The following LNPK variants were observed in gnomAD, a reference collection of about 807,000 sequenced individuals.
The protein encoded by LNPK is endoplasmic reticulum junction formation protein lunapark.
In LNPK, 29 loss-of-function variants were observed where a neutral mutation model predicts 55.2. That is an observed-to-expected ratio of 0.53 (90% CI 0.39 to 0.72). The LOEUF (loss-of-function observed/expected upper bound fraction) is 0.72. LNPK is among the 30% of genes least tolerant of loss of function. The pLI is 0.00. For synonymous variants in LNPK, 162 were observed against 168.2 expected, an observed-to-expected ratio of 0.96 and a Z score of 0.29; for missense variants, 467 against 494.8, an observed-to-expected ratio of 0.94 and a Z score of 0.53.
chr2:175,929,933 T>G lies in LNPK; in HGVS notation c.*34A>C. On this transcript the variant is annotated 3_prime_UTR_variant, in exon 13 of 13. Coordinates refer to ENST00000272748, the MANE Select transcript of LNPK (RefSeq NM_030650.3). ...GCAATAACTGACATCAGTAAGACTA[T>G]AAATATCCAGTTGAAGGCACGTGGA... is the stretch of plus-strand genomic sequence containing the variant. The G allele has an allele frequency of 6.2e-7, 1 of 1,612,276 alleles. No homozygotes were observed. The highest frequency in any genetic ancestry group is 1.1e-5 in the South Asian group (1 of 90,868).
chr2:175,962,324 C>A (rs866423817), intron 8 of LNPK, among the ~76,000 whole-genome samples: 1 of 152,120 alleles, frequency 6.6e-6, no homozygotes, highest in Non-Finnish European at 1.5e-5. Flanking sequence ...CTACAGTAAC[C>A]AAAACAGCAT....
intron 6 of LNPK, among the ~76,000 whole-genome samples, chr2:175,965,479 C>T (rs759296829): frequency 2.6e-5 from 4 of 152,060 alleles, no homozygotes; most frequent in Admixed American, 1.3e-4. Context: ...GGAAAAGAAC[C>T]TTTTCTTTCT....
At chr2:175,943,623 T>C (rs1364310974) in intron 9 of LNPK, among the ~76,000 whole-genome samples, 1 of 152,012 alleles carries the variant, frequency 6.6e-6, no homozygotes, top group African/African-American at 2.4e-5. Flanking sequence ...TAAAAATCAA[T>C]GTAACTCACT....
intron 8 of LNPK, among the ~76,000 whole-genome samples, chr2:175,952,569 A>T (rs1233363238): frequency 1.3e-5 from 2 of 151,954 alleles, no homozygotes. Context: ...ACTCATACTA[A>T]GCTGCTCCAA....
At chr2:175,936,008 T>C (rs1559025973) in intron 12 of LNPK, among the ~76,000 whole-genome samples, 1 of 152,178 alleles carries the variant, frequency 6.6e-6, no homozygotes, top group Non-Finnish European at 1.5e-5. Context: ...CAATTTTTCC[T>C]CTAGGCATCT....
At chr2:175,938,873 T>C (rs1684676894) in intron 10 of LNPK, 2 of 152,312 alleles carry the variant, frequency 1.3e-5, no homozygotes, top group South Asian at 2.1e-4. Flanking sequence ...ACATGATTCT[T>C]ATACCTTTCC....
chr2:175,976,360 A>G (rs767964417), intron 5 of LNPK, among the ~76,000 whole-genome samples: 11 of 152,242 alleles, frequency 7.2e-5, no homozygotes, highest in Non-Finnish European at 1.5e-4. Context: ...GGTAAAGATT[A>G]TATGACTTGC....
chr2:175,993,363 GATTT>G (rs749869048), intron 2 of LNPK, 140 bp from the exon 3 acceptor site: 7 of 482,298 alleles, frequency 1.5e-5, no homozygotes, highest in East Asian at 1.4e-4. Context: ...TTATAACTAA[GATTT>G]ATTTAAATAA....
rs753606082 is a variant in LNPK, at chr2:175,928,443, A to C, written c.*1524T>G. ...GACTACAGACCTGAAATTTAAGCCC[A>C]ATACGGCAGGCTCAAAAACTCTGGT... On this transcript the variant is annotated 3_prime_UTR_variant, in exon 13 of 13. Transcript: ENST00000272748. 6.7e-6 allele frequency: 1 copy of C among 150,352 alleles called. No homozygotes were observed. The highest frequency in any genetic ancestry group is 1.5e-5 in the Non-Finnish European group (1 of 67,742). The allele number at this position is 150,352 out of a possible 1,614,324, so 9.3% of individuals were successfully genotyped here. A position where few individuals can be genotyped will look rare whatever the true frequency, so the allele number is the denominator to read the frequency against.
chr2:175,967,813 T>C (rs1444372464), intron 6 of LNPK: 7 of 927,172 alleles, frequency 7.5e-6, no homozygotes, highest in Non-Finnish European at 9.0e-6. Context: ...CTAAGGTGAA[T>C]ATTCAAACAC....
chr2:175,966,948 G>A (rs1686387336), intron 6 of LNPK, among the ~76,000 whole-genome samples: 1 of 152,110 alleles, frequency 6.6e-6, no homozygotes, highest in Non-Finnish European at 1.5e-5. Flanking sequence ...AATTTTCAGA[G>A]ACATCTCAAT....
intron 8 of LNPK, among the ~76,000 whole-genome samples, chr2:175,954,651 AT>A (rs1486038116): frequency 1.3e-5 from 2 of 152,164 alleles, no homozygotes; most frequent in Non-Finnish European, 2.9e-5. Context: ...TTAATAATTT[AT>A]TTTTGATCTG....
intron 1 of LNPK, among the ~76,000 whole-genome samples, chr2:175,998,540 T>C (rs1688043700): frequency 6.6e-6 from 1 of 152,128 alleles, no homozygotes; most frequent in Non-Finnish European, 1.5e-5. Flanking sequence ...ACCCAGTTAT[T>C]ATGAATAACA....
intron 4 of LNPK, among the ~76,000 whole-genome samples, chr2:175,982,236 C>T (rs1470830428): frequency 2.6e-5 from 4 of 151,796 alleles, no homozygotes; most frequent in Non-Finnish European, 4.4e-5. Context: ...AGAAAGAAAA[C>T]GGGGAAAAAA....
Position 175,964,590 on chromosome 2 carries a change from C to T in LNPK, c.358-1G>A. The stretch of plus-strand genomic sequence containing the variant: ...TTTCTTTTTCCATGACTTCTTCAAG[C>T]TACGAACAAAAATTTCCATAAATTG... On this transcript the variant is annotated splice_acceptor_variant, in intron 6 of 12. Transcript: ENST00000272748. LOFTEE classifies it high-confidence loss of function. 3 of 1,574,268 alleles carry T rather than the reference C, an allele frequency of 1.9e-6. No homozygotes were observed. Among genetic ancestry groups the T allele is most frequent in the Non-Finnish European group, 2.6e-6 (3 of 1,145,986 alleles).
chr2:175,982,560 A>AT (rs773329220), intron 4 of LNPK, among the ~76,000 whole-genome samples: 14 of 152,214 alleles, frequency 9.2e-5, no homozygotes, highest in Non-Finnish European at 1.3e-4. Flanking sequence ...ATTCTTTGGT[A>AT]TTTTTTGTTA....
chr2:175,959,237 A>G (rs1299899081), intron 8 of LNPK, among the ~76,000 whole-genome samples: 2 of 152,202 alleles, frequency 1.3e-5, no homozygotes, highest in African/African-American at 4.8e-5. Context: ...ATACTCCTTG[A>G]CAAGAGCAAC....
intron 4 of LNPK, among the ~76,000 whole-genome samples, chr2:175,988,881 C>T (rs1413858661): frequency 1.3e-5 from 2 of 152,176 alleles, no homozygotes; most frequent in Non-Finnish European, 2.9e-5. Flanking sequence ...TCACGCCATT[C>T]TCCTGCCTCA....
intron 5 of LNPK, among the ~76,000 whole-genome samples, chr2:175,977,546 A>G (rs998071402): frequency 1.3e-5 from 2 of 152,192 alleles, no homozygotes. Context: ...AGAAGCTTAA[A>G]AAGTTTTCAG....
Sources: allele counts gnomAD v4.1 joint callset (sites outside exome capture counted in the v4.1 genomes callset), GRCh38; gene constraint gnomAD v4.1.1; transcripts MANE v1.5; gene names NCBI Gene and HGNC (gene_info 2026-07-23, HGNC 2026-07-21).